Variants in H2BC18 observed in about 807,000 individuals in gnomAD.
The protein encoded by H2BC18 is H2B clustered histone 18, also known as histone H2B type 2-F.
In H2BC18, 8 loss-of-function variants were observed where a neutral mutation model predicts 6.3. That is an observed-to-expected ratio of 1.28 (90% CI 0.75 to 2.31). The LOEUF (loss-of-function observed/expected upper bound fraction) is 2.31, where lower values mean the gene tolerates loss of function less well. Ranked by LOEUF, H2BC18 falls within the 30% of genes most tolerant of loss-of-function variation. H2BC18 has a pLI of 0.00. For missense variants in H2BC18, 106 were observed against 174.5 expected, an observed-to-expected ratio of 0.61 and a Z score of 2.21; for synonymous variants, 104 against 78.1, an observed-to-expected ratio of 1.33 and a Z score of -1.75.
downstream of H2BC18, among the ~76,000 whole-genome samples, chr1:149,807,827 G>GAGAA (rs1559755831): frequency 6.6e-6 from 1 of 151,756 alleles, no homozygotes; most frequent in African/African-American, 2.4e-5. Flanking sequence ...AAGAAAGAGA[G>GAGAA]AGAGAGAGAG....
downstream of H2BC18, among the ~76,000 whole-genome samples, chr1:149,808,508 C>G (rs1553754108): frequency 6.6e-6 from 1 of 152,018 alleles, no homozygotes; most frequent in Non-Finnish European, 1.5e-5. Context: ...ATCTTTGTAT[C>G]CTCTAGCTCA....
At chr1:149,807,833 G>GAA, downstream of H2BC18, among the ~76,000 whole-genome samples, 1 of 152,006 alleles carries the variant, frequency 6.6e-6, no homozygotes, top group African/African-American at 2.4e-5. Flanking sequence ...GAGAGAGAGA[G>GAA]AGAGAAAGAG....
intron 1 of H2BC18, among the ~76,000 whole-genome samples, chr1:149,801,970 T>C (rs1284187542): frequency 6.6e-6 from 1 of 151,996 alleles, no homozygotes; most frequent in African/African-American, 2.4e-5. Context: ...ATAAACACCA[T>C]GAAATAAACT....
chr1:149,800,487 G>T lies in H2BC18; in HGVS notation c.377+11460C>A, dbSNP rs1158114251. The stretch of plus-strand genomic sequence containing the variant: ...AGCCCCCATCCTGAAGCTACCTAGG[G>T]GCTGCCAGACATCAGTCAACTCATT... On this transcript the variant is annotated intron_variant, in intron 1 of 1. Transcript: ENST00000545683. Among the ~76,000 whole-genome samples the T allele has an allele frequency of 4.4e-4, 63 of 143,368 alleles. 1 individual carries two copies. The highest frequency in any genetic ancestry group is 1.4e-3 in the African/African-American group (55 of 38,162). The allele number at this position is 143,368 out of a possible 152,430, so 94.1% of individuals were successfully genotyped here. A position where few individuals can be genotyped will look rare whatever the true frequency, so the allele number is the denominator to read the frequency against.
intron 1 of H2BC18, chr1:149,793,049 C>T (rs1181985925): frequency 2.4e-6 from 3 of 1,261,442 alleles, no homozygotes; most frequent in Non-Finnish European, 3.1e-6. Context: ...CGGGCCCCGG[C>T]GCGGCGCCAC....
At chr1:149,788,472 T>A in intron 1 of H2BC18, 1 of 1,613,712 alleles carries the variant, frequency 6.2e-7, no homozygotes. Context: ...TGCTTTACTA[T>A]CGAAATGGCA....
chr1:149,789,501 A>ACTGACCAG, intron 1 of H2BC18, among the ~76,000 whole-genome samples: 1 of 152,326 alleles, frequency 6.6e-6, no homozygotes, highest in Non-Finnish European at 1.5e-5. Flanking sequence ...GGGCATGGTT[A>ACTGACCAG]CTGACCAGAT....
chr1:149,786,910 A>G (rs1348394627), intron 1 of H2BC18: 1 of 152,064 alleles, frequency 6.6e-6, no homozygotes, highest in Non-Finnish European at 1.5e-5. Context: ...TTTGTGGCCT[A>G]GTTCACACTT....
intron 1 of H2BC18, chr1:149,791,228 C>G (rs782020678): frequency 1.9e-6 from 3 of 1,605,814 alleles, no homozygotes; most frequent in Admixed American, 3.4e-5. Flanking sequence ...TTGTCTTTTT[C>G]TGTTTCAGGC....
chr1:149,791,496 G>A, intron 1 of H2BC18: 3 of 1,609,646 alleles, frequency 1.9e-6, no homozygotes, highest in Non-Finnish European at 2.5e-6. Context: ...TGCACCGGAA[G>A]GAGCCCCAGG....
rs587776331 is a variant in H2BC18, at chr1:149,800,910, A to T, written c.377+11037T>A. 5.9e-5 allele frequency among the ~76,000 whole-genome samples: 9 copies of T among 152,114 alleles called. No individual in the cohort carries two copies. In the East Asian group the frequency reaches 1.7e-3, roughly 29 times the overall value. On this transcript the variant is annotated intron_variant, in intron 1 of 1. Coordinates refer to the H2BC18 transcript ENST00000545683. The stretch of plus-strand genomic sequence containing the variant: ...AGACCAGCCTGGGCAAAATGGTGAA[A>T]CCCCATCTCTATAAAAAATACAAAA...
intron 1 of H2BC18, among the ~76,000 whole-genome samples, chr1:149,800,370 G>A (rs1436344094): frequency 1.3e-5 from 2 of 151,480 alleles, no homozygotes; most frequent in Non-Finnish European, 2.9e-5. Flanking sequence ...TTGGTGATCG[G>A]CTTAACCTTC....
chr1:149,788,645 G>C (rs782615623), intron 1 of H2BC18: 3 of 1,613,714 alleles, frequency 1.9e-6, no homozygotes, highest in Admixed American at 1.7e-5. Context: ...TCATAGAACT[G>C]ATAGTCCCTC....
intron 1 of H2BC18, among the ~76,000 whole-genome samples, chr1:149,801,088 G>A (rs1181566264): frequency 6.6e-6 from 1 of 152,030 alleles, no homozygotes; most frequent in Non-Finnish European, 1.5e-5. Context: ...CCGGTCTCTA[G>A]AAAATAAATA....
downstream of H2BC18, chr1:149,810,977 C>G (rs587750531): frequency 7.2e-5 from 11 of 152,314 alleles, no homozygotes; most frequent in African/African-American, 2.4e-4. Flanking sequence ...AGACAGGGTT[C>G]TTGTCCTGGA....
chr1:149,796,574 C>G (rs1484680958), intron 1 of H2BC18, among the ~76,000 whole-genome samples: 2 of 152,090 alleles, frequency 1.3e-5, no homozygotes, highest in Non-Finnish European at 2.9e-5. Context: ...CATTTTCTAC[C>G]TTGAATTCTA....
At chr1:149,797,074 G>A (rs1173919861) in intron 1 of H2BC18, among the ~76,000 whole-genome samples, 2 of 151,980 alleles carry the variant, frequency 1.3e-5, no homozygotes, top group Admixed American at 6.6e-5. Context: ...CACCACACCC[G>A]GCTAATTTTT....
chr1:149,802,937 T>C (rs2091887531), intron 1 of H2BC18, among the ~76,000 whole-genome samples: 1 of 152,234 alleles, frequency 6.6e-6, no homozygotes, highest in Non-Finnish European at 1.5e-5. Context: ...GCCGACTGGA[T>C]GGTGCCAACC....
At chr1:149,810,800 G>T (rs1553754343), downstream of H2BC18, 1 of 152,102 alleles carries the variant, frequency 6.6e-6, no homozygotes, top group African/African-American at 2.4e-5. Context: ...TTAACATGAG[G>T]ACCCAACACC....
Sources: gnomAD v4.1 joint callset for allele counts (sites outside exome capture counted in the v4.1 genomes callset) on GRCh38, gnomAD v4.1.1 for gene constraint, MANE v1.5 for transcripts, NCBI Gene and HGNC (gene_info 2026-07-23, HGNC 2026-07-21) for gene names.